ATAD3B: variants seen among roughly 807,000 people sequenced by gnomAD.
ATAD3B encodes ATPase family AAA domain containing 3B.
In ATAD3B, 59 loss-of-function variants were observed where a neutral mutation model predicts 70.2. That is an observed-to-expected ratio of 0.84 (90% CI 0.68 to 1.04). ATAD3B has a LOEUF of 1.04. ATAD3B is among the 50% of genes least tolerant of loss of function. ATAD3B has a pLI of 0.00. For missense variants in ATAD3B, 961 were observed against 913.4 expected (o/e 1.05, Z -0.67); for synonymous variants, 423 against 388.6 (o/e 1.09, Z -1.04).
intron 1 of ATAD3B, 108 bp downstream of exon 1, chr1:1,472,197 G>C (rs999037176): frequency 9.3e-6 from 13 of 1,390,438 alleles, no homozygotes; most frequent in African/African-American, 1.5e-5. Flanking sequence ...CACTTCCCGG[G>C]CGAGACTGCG....
downstream of ATAD3B, among the ~76,000 whole-genome samples, chr1:1,498,172 A>G (rs1348030271): frequency 1.3e-5 from 2 of 151,728 alleles, no homozygotes; most frequent in African/African-American, 4.9e-5. Flanking sequence ...GCATGGTGGT[A>G]GGTGACTGTA....
At chr1:1,483,403 G>A (rs1640028043) in intron 7 of ATAD3B, 1 of 258,894 alleles carries the variant, frequency 3.9e-6, no homozygotes, top group Non-Finnish European at 7.6e-6. Context: ...GGAGGCGGAA[G>A]TTGCAGTGAG....
At chr1:1,483,718 T>A (rs1414784654) in intron 7 of ATAD3B, 1 of 152,816 alleles carries the variant, frequency 6.5e-6, no homozygotes, top group Non-Finnish European at 1.5e-5. Context: ...GGAGAACTGC[T>A]TGAACCTGGA....
chr1:1,495,151 G>A (rs1274818799), intron 15 of ATAD3B, among the ~76,000 whole-genome samples: 5 of 152,044 alleles, frequency 3.3e-5, no homozygotes, highest in Non-Finnish European at 4.4e-5. Context: ...GCCTGGCCAC[G>A]GCTGAGACTC....
chr1:1,503,600 C>T, the ATAD3B span: 38 of 1,612,246 alleles, frequency 2.4e-5, 1 homozygote, highest in African/African-American at 4.8e-4. Flanking sequence ...TCAAAGGACG[C>T]CCTGAATGTG....
rs1153095 is a variant in ATAD3B, at chr1:1,475,857, A to G, written c.206-1417A>G. Among the ~76,000 whole-genome samples the G allele has an allele frequency of 8.9e-3, 1,333 of 150,322 alleles. 21 individuals carry two copies. Among genetic ancestry groups the G allele is most frequent in the African/African-American group, 0.03 (1,225 of 40,264 alleles). ...CCTCCTCCCCAGAGTCACTGGGGGT[A>G]GGAACTGTCAATGAGCCATTTTCAG... On this transcript the variant is annotated intron_variant, in intron 1 of 15. Coordinates refer to ENST00000673477, the MANE Select transcript of ATAD3B (RefSeq NM_031921.6).
chr1:1,507,290 G>A, the ATAD3B span, among the ~76,000 whole-genome samples: 1 of 152,158 alleles, frequency 6.6e-6, no homozygotes, highest in Non-Finnish European at 1.5e-5. Context: ...TCACCACTGA[G>A]TATGTCACCT....
Position 1,479,540 on chromosome 1 carries a change from C to T in ATAD3B, c.444+432C>T, listed in dbSNP as rs190745969. On this transcript the variant is annotated intron_variant, in intron 4 of 15. Transcript: ENST00000673477. Reference sequence around the variant, plus strand: ...CCCGCAAACACACCCCCACACAACACGGGCACGCACACACACACCCCGCCA... The same window carrying T: ...CCCGCAAACACACCCCCACACAACATGGGCACGCACACACACACCCCGCCA... Among the ~76,000 whole-genome samples the T allele has an allele frequency of 7.2e-5, 10 of 139,262 alleles. 2 individuals carry two copies. The South Asian group carries it at 1.2e-3, about 17-fold the overall frequency. The allele number at this position is 139,262 out of a possible 152,430, so 91.4% of individuals were successfully genotyped here. A position where few individuals can be genotyped will look rare whatever the true frequency, so the allele number is the denominator to read the frequency against.
At chr1:1,481,710 T>TC (rs1407367091) in intron 5 of ATAD3B, among the ~76,000 whole-genome samples, 1 of 147,602 alleles carries the variant, frequency 6.8e-6, no homozygotes, top group Admixed American at 6.8e-5. Flanking sequence ...AACTCCGCGT[T>TC]CTGGTTTTTT....
intron 13 of ATAD3B, 55 bp downstream of exon 13, chr1:1,489,329 C>A: frequency 6.2e-7 from 1 of 1,610,832 alleles, no homozygotes. Flanking sequence ...AGCCGTCGCC[C>A]TTGGTTCCCA....
intron 7 of ATAD3B, 68 bp downstream of exon 7, chr1:1,482,682 C>T (rs764423178): frequency 2.5e-6 from 4 of 1,609,556 alleles, no homozygotes; most frequent in Non-Finnish European, 3.4e-6. Context: ...TCCTGGAGCC[C>T]CAGGTCCTGT....
the ATAD3B span, among the ~76,000 whole-genome samples, chr1:1,505,785 T>C: frequency 6.6e-6 from 1 of 152,248 alleles, no homozygotes; most frequent in Non-Finnish European, 1.5e-5. Flanking sequence ...AGGATTATTA[T>C]AATATTGGAA....
rs183894173 is a variant in ATAD3B, at chr1:1,486,041, C to T, written c.964-69C>T. 4.1e-4 allele frequency: 667 copies of T among 1,608,786 alleles called. 5 individuals are homozygous for T. The African/African-American group carries it at 7.4e-3, about 18-fold the overall frequency. Reference sequence around the variant, plus strand: ...AGCAGAGTCCGCACCCGGGCATTCCCGCAGCCCCTGTCACCGAGGCTTCCG... The same window carrying T: ...AGCAGAGTCCGCACCCGGGCATTCCTGCAGCCCCTGTCACCGAGGCTTCCG... On this transcript the variant is annotated intron_variant, in intron 9 of 15. Coordinates refer to ENST00000673477, the MANE Select transcript of ATAD3B (RefSeq NM_031921.6).
chr1:1,486,736 G>C, intron 11 of ATAD3B, 68 bp downstream of exon 11: 1 of 1,486,338 alleles, frequency 6.7e-7, no homozygotes, highest in Non-Finnish European at 9.0e-7. Flanking sequence ...CTGGGAAGGG[G>C]GTCCAGGTGT....
downstream of ATAD3B, among the ~76,000 whole-genome samples, chr1:1,498,478 AAAAAT>A (rs1212664419): frequency 1.3e-5 from 2 of 151,836 alleles, no homozygotes; most frequent in African/African-American, 2.4e-5. Flanking sequence ...ATTAAAAAAT[AAAAAT>A]AAAACCAAAC....
chr1:1,478,252 C>T, intron 2 of ATAD3B: 1 of 618,436 alleles, frequency 1.6e-6, no homozygotes, highest in Non-Finnish European at 2.6e-6. Flanking sequence ...CCACTTTGGC[C>T]TCACAAAGTG....
At chr1:1,505,560 C>T in the ATAD3B span, among the ~76,000 whole-genome samples, 7 of 152,270 alleles carry the variant, frequency 4.6e-5, no homozygotes, top group African/African-American at 1.7e-4. Context: ...CGGGTGTTTT[C>T]CCTTGACACT....
At chr1:1,502,086 C>A (rs1640957440), downstream of ATAD3B, among the ~76,000 whole-genome samples, 2 of 152,104 alleles carry the variant, frequency 1.3e-5, no homozygotes, top group East Asian at 1.9e-4. Flanking sequence ...ACCATGTTGG[C>A]CAGGCTGGTC....
Position 1,471,946 on chromosome 1 carries a change from C to T in ATAD3B, c.62C>T (p.Pro21Leu). The T allele has an allele frequency of 4.0e-6, 5 of 1,238,808 alleles. No homozygotes were observed. The highest frequency in any genetic ancestry group is 4.1e-5 in the South Asian group (1 of 24,442). The allele number at this position is 1,238,808 out of a possible 1,614,324, so 76.7% of individuals were successfully genotyped here. The change falls in exon 1 of 16, where the codon CCT (proline) becomes CTT (leucine). Residue 21 changes from proline to leucine, a missense_variant. Transcript: ENST00000673477. ...GGTGAAGGCGCGGGGCCGCCGCCGC[C>T]TTTGCCGCCCGCGCAGCCCGGGGCC... ...PKGEGAGPPP[P>L]LPPAQPGAEG...
Sources: allele counts gnomAD v4.1 joint callset (sites outside exome capture counted in the v4.1 genomes callset), GRCh38; gene constraint gnomAD v4.1.1; transcripts MANE v1.5; gene names NCBI Gene and HGNC (gene_info 2026-07-23, HGNC 2026-07-21).